LYPD6B: variants seen among roughly 807,000 people sequenced by gnomAD.
The protein encoded by LYPD6B is LY6/PLAUR domain containing 6B.
In LYPD6B, 17 loss-of-function variants were observed where a neutral mutation model predicts 22.8. The observed-to-expected ratio is 0.75, with a 90% CI of 0.51 to 1.12. LYPD6B has a LOEUF of 1.12. Ranked by LOEUF, LYPD6B falls within the 50% of genes most tolerant of loss-of-function variation. The probability of loss-of-function intolerance (pLI) is 0.00; values close to 1 mark genes in which losing one functional copy is unlikely to be tolerated. For missense variants in LYPD6B, 221 were observed against 258.3 expected (o/e 0.86, Z 0.99); for synonymous variants, 106 against 91.6 (o/e 1.16, Z -0.90).
rs200913391 is a variant in LYPD6B at position 149,149,796 on chromosome 2, CCTTT to C, written c.6-10963_6-10960del. 9.7e-4 allele frequency among the ~76,000 whole-genome samples: 148 copies of C among 152,316 alleles called. 2 individuals carry two copies. The East Asian group carries it at 0.015, about 15-fold the overall frequency. ...AAAGTATCCATGAATCAATCCTTCC[CCTTT>C]CTTTATCTCCATGCAACCTCTAAAG... On this transcript the variant is annotated intron_variant, in intron 2 of 6. Transcript: ENST00000409642.
chr2:149,130,983 A>G, intron 2 of LYPD6B, 30 bp downstream of exon 2: 6 of 1,518,774 alleles, frequency 4.0e-6, no homozygotes, highest in Non-Finnish European at 5.5e-6. Flanking sequence ...GTGGATGTAG[A>G]GAAGATATTT....
intron 2 of LYPD6B, among the ~76,000 whole-genome samples, chr2:149,136,241 G>T (rs1221691711): frequency 6.6e-6 from 1 of 152,174 alleles, no homozygotes; most frequent in African/African-American, 2.4e-5. Flanking sequence ...TACTTCAGAA[G>T]TTACATTTTT....
At chr2:149,147,924 G>GTGTGTGTGTGTGTGTA (rs1689135903) in intron 2 of LYPD6B, among the ~76,000 whole-genome samples, 1 of 151,790 alleles carries the variant, frequency 6.6e-6, no homozygotes, top group Non-Finnish European at 1.5e-5. Context: ...GTGTGTGTGT[G>GTGTGTGTGTGTGTGTA]TGTGTGTGTG....
chr2:149,187,863 C>T (rs893181128), intron 3 of LYPD6B, among the ~76,000 whole-genome samples: 8 of 152,160 alleles, frequency 5.3e-5, no homozygotes, highest in African/African-American at 1.7e-4. Flanking sequence ...ACGAGCTTGC[C>T]TTAGAGGGTA....
At chr2:149,043,055 T>A (rs1284207689) in intron 1 of LYPD6B, among the ~76,000 whole-genome samples, 1 of 152,200 alleles carries the variant, frequency 6.6e-6, no homozygotes, top group East Asian at 1.9e-4. Flanking sequence ...ATAAGGGTCA[T>A]TTCTTTCATC....
At chr2:149,158,453 G>C (rs1689844216) in intron 2 of LYPD6B, among the ~76,000 whole-genome samples, 1 of 152,138 alleles carries the variant, frequency 6.6e-6, no homozygotes, top group African/African-American at 2.4e-5. Flanking sequence ...CCATTTATAT[G>C]ACGTACCTAG....
intron 3 of LYPD6B, among the ~76,000 whole-genome samples, chr2:149,198,941 ACTTTCC>A (rs893372195): frequency 2.6e-4 from 39 of 152,328 alleles, no homozygotes; most frequent in Admixed American, 1.9e-3. Context: ...ATTCATTCCA[ACTTTCC>A]CTTGGTTGCA....
At chr2:149,039,074 C>T (rs1030988509) in intron 1 of LYPD6B, among the ~76,000 whole-genome samples, 6 of 151,772 alleles carry the variant, frequency 4.0e-5, no homozygotes, top group African/African-American at 1.5e-4. Context: ...AAGGCTGGAG[C>T]GGTGTGGGTC....
At chr2:149,088,402 G>T (rs930154953) in intron 1 of LYPD6B, among the ~76,000 whole-genome samples, 5 of 152,110 alleles carry the variant, frequency 3.3e-5, no homozygotes, top group Non-Finnish European at 7.4e-5. Context: ...TATCATACAT[G>T]TTCTTTTGTC....
intron 3 of LYPD6B, among the ~76,000 whole-genome samples, chr2:149,190,178 A>G (rs1195822181): frequency 1.3e-5 from 2 of 152,192 alleles, no homozygotes; most frequent in African/African-American, 2.4e-5. Context: ...ATATGAGTAA[A>G]CACATATAGT....
rs1285429577 is a variant in LYPD6B, at chr2:149,098,627, C to CA, written c.-66-32234dup. Among the ~76,000 whole-genome samples, 224 of 83,182 alleles carry CA rather than the reference C, an allele frequency of 2.7e-3. 3 individuals carry two copies. The highest frequency in any genetic ancestry group is 5.3e-3 in the South Asian group (13 of 2,446). 54.6% of individuals were successfully genotyped at this position (83,182 alleles called of 152,430 possible). ...GGGTGACAAGAGTGAAACTCTGTCT[C>CA]AAAAAAAAAAAAAAAAAAAAAAGAA... On this transcript the variant is annotated intron_variant, in intron 1 of 6. Transcript: ENST00000409642.
At chr2:149,201,044 C>G (rs1394377425) in intron 3 of LYPD6B, among the ~76,000 whole-genome samples, 1 of 152,182 alleles carries the variant, frequency 6.6e-6, no homozygotes, top group Non-Finnish European at 1.5e-5. Context: ...CTTGAAGTCA[C>G]GATACCTAAT....
Position 149,175,097 on chromosome 2 carries a change from CACTT to C in LYPD6B, c.77+14264_77+14267del, listed in dbSNP as rs1406330033. ...TGTGTGTGTGTGTGTAGTCAGGTGTCACTTAATGACAAGAATATATTCTGATAAA... is the reference window on the plus strand; with the variant it reads ...TGTGTGTGTGTGTGTAGTCAGGTGTCAATGACAAGAATATATTCTGATAAA... On this transcript the variant is annotated intron_variant, in intron 3 of 6. Transcript: ENST00000409642. Among the ~76,000 whole-genome samples the C allele has an allele frequency of 7.7e-5, 11 of 143,106 alleles. No homozygotes were observed. The Admixed American group carries it at 7.9e-4, about 10-fold the overall frequency. 93.9% of individuals were successfully genotyped at this position (143,106 alleles called of 152,430 possible). A position where few individuals can be genotyped will look rare whatever the true frequency, so the allele number is the denominator to read the frequency against.
chr2:149,151,723 A>G (rs1411983177), intron 2 of LYPD6B, among the ~76,000 whole-genome samples: 1 of 152,134 alleles, frequency 6.6e-6, no homozygotes, highest in Non-Finnish European at 1.5e-5. Context: ...ACTTTTCTGT[A>G]TATATTAAGC....
intron 1 of LYPD6B, chr2:149,100,981 T>C (rs929532945): frequency 6.6e-6 from 1 of 152,250 alleles, no homozygotes; most frequent in Admixed American, 6.5e-5. Context: ...GTCAATGTTC[T>C]AATCTTGCAG....
chr2:149,089,548 G>C (rs1004208859), intron 1 of LYPD6B, among the ~76,000 whole-genome samples: 2 of 152,076 alleles, frequency 1.3e-5, no homozygotes, highest in Non-Finnish European at 2.9e-5. Flanking sequence ...ACTCAAATCT[G>C]ATGTTAACAT....
At chr2:149,197,155 A>C (rs1325953590) in intron 3 of LYPD6B, among the ~76,000 whole-genome samples, 1 of 152,254 alleles carries the variant, frequency 6.6e-6, no homozygotes, top group African/African-American at 2.4e-5. Context: ...TCTTTCATTT[A>C]TATACCTGAT....
intron 1 of LYPD6B, among the ~76,000 whole-genome samples, chr2:149,086,430 G>T (rs899799890): frequency 1.2e-4 from 18 of 152,214 alleles, no homozygotes; most frequent in African/African-American, 4.3e-4. Context: ...GCTGCAGGAA[G>T]TTGAGCAGCC....
intron 1 of LYPD6B, among the ~76,000 whole-genome samples, chr2:149,107,720 A>G (rs1686546912): frequency 6.6e-6 from 1 of 152,134 alleles, no homozygotes; most frequent in South Asian, 2.1e-4. Flanking sequence ...ACTCTATTAT[A>G]TTCAAAGAAC....
Sources: allele counts gnomAD v4.1 joint callset (sites outside exome capture counted in the v4.1 genomes callset), GRCh38; gene constraint gnomAD v4.1.1; transcripts MANE v1.5; gene names NCBI Gene and HGNC (gene_info 2026-07-23, HGNC 2026-07-21).